EPHB2: variants seen among roughly 807,000 people sequenced by gnomAD.
EPHB2 encodes ephrin type-B receptor 2.
In EPHB2, 18 loss-of-function variants were observed where a neutral mutation model predicts 96.4. The observed-to-expected ratio is 0.19, with a 90% confidence interval of 0.13 to 0.28. The LOEUF (loss-of-function observed/expected upper bound fraction) is 0.28, where lower values mean the gene tolerates loss of function less well. EPHB2 is among the 10% of genes least tolerant of loss of function. The pLI, the probability that EPHB2 is intolerant of heterozygous loss-of-function variation, is 1.00. For synonymous variants in EPHB2, 506 were observed against 534.1 expected (o/e 0.95, Z 0.72); for missense variants, 989 against 1,355.4 (o/e 0.73, Z 4.25).
chr1:22,863,515 G>A (rs952236406), intron 4 of EPHB2, among the ~76,000 whole-genome samples: 1 of 152,316 alleles, frequency 6.6e-6, no homozygotes, highest in African/African-American at 2.4e-5. Flanking sequence ...TGGCAGAAAA[G>A]GCTGCCCAGT....
intron 3 of EPHB2, among the ~76,000 whole-genome samples, chr1:22,855,448 C>T (rs1052185896): frequency 6.6e-6 from 1 of 152,204 alleles, no homozygotes; most frequent in African/African-American, 2.4e-5. Context: ...GCATCTCAGC[C>T]CCCTGCTTAG....
At chr1:22,809,265 C>A (rs1208115166) in intron 3 of EPHB2, among the ~76,000 whole-genome samples, 1 of 152,170 alleles carries the variant, frequency 6.6e-6, no homozygotes, top group Non-Finnish European at 1.5e-5. Context: ...TGCTCCCCGG[C>A]AATTGGCAGT....
At chr1:22,715,139 A>G (rs773611735) in intron 1 of EPHB2, among the ~76,000 whole-genome samples, 2 of 152,242 alleles carry the variant, frequency 1.3e-5, no homozygotes, top group African/African-American at 2.4e-5. Flanking sequence ...ATGTTGAGTG[A>G]ATGAACAGAT....
At chr1:22,895,927 C>A (rs1414855916) in intron 8 of EPHB2, among the ~76,000 whole-genome samples, 2 of 152,184 alleles carry the variant, frequency 1.3e-5, no homozygotes, top group African/African-American at 4.8e-5. Flanking sequence ...TGAGTTCAGG[C>A]CCCCTGGCTG....
At chr1:22,902,930 AAAAG>A (rs1006064018) in intron 9 of EPHB2, among the ~76,000 whole-genome samples, 5 of 152,230 alleles carry the variant, frequency 3.3e-5, no homozygotes, top group South Asian at 2.1e-4. Context: ...TCTGGTCACA[AAAAG>A]AAAGAGAGAG....
chr1:22,732,495 T>C lies in EPHB2; in HGVS notation c.61+21452T>C, dbSNP rs1472676466. The stretch of plus-strand genomic sequence containing the variant: ...AAATGCCTTGTTGAAATAAAAATAG[T>C]CCATTTCCATATGACCTCATTTCAT... On this transcript the variant is annotated intron_variant, in intron 1 of 15. Transcript: ENST00000374630. Among the ~76,000 whole-genome samples, 3 of 152,222 alleles carry C rather than the reference T, an allele frequency of 2.0e-5. No individual in the cohort carries two copies. The East Asian group carries it at 5.8e-4, about 29-fold the overall frequency.
At chr1:22,870,681 C>T (rs1638635148) in intron 5 of EPHB2, among the ~76,000 whole-genome samples, 1 of 152,178 alleles carries the variant, frequency 6.6e-6, no homozygotes, top group South Asian at 2.1e-4. Flanking sequence ...TTCTCCAGGG[C>T]TGCCCCGGAC....
rs954158232 is a variant in EPHB2, at chr1:22,916,484, C to T, written c.*2914C>T. 1 of 152,210 alleles carries T rather than the reference C, an allele frequency of 6.6e-6. No individual in the cohort carries two copies. 9.4% of individuals were successfully genotyped at this position (152,210 alleles called of 1,614,324 possible). On this transcript the variant is annotated 3_prime_UTR_variant, in exon 16 of 16. Transcript: ENST00000374630. The surrounding 1 kb of genome is among the most constrained non-coding windows in gnomAD (Gnocchi z 4.2). ...CTGTCCCAGGGGTACAGGCGCTGCT[C>T]ACATCTCTTCCACCCCCACCCACCC...
intron 1 of EPHB2, among the ~76,000 whole-genome samples, chr1:22,731,456 T>G (rs1006213937): frequency 1.3e-5 from 2 of 152,210 alleles, no homozygotes; most frequent in Non-Finnish European, 2.9e-5. Flanking sequence ...TTGCTTCACT[T>G]CTTGGAACCT....
At chr1:22,712,674 C>T (rs1055679197) in intron 1 of EPHB2, among the ~76,000 whole-genome samples, 1 of 152,172 alleles carries the variant, frequency 6.6e-6, no homozygotes, top group African/African-American at 2.4e-5. Flanking sequence ...TGCGGTTTCC[C>T]GGAGTGGGGC....
chr1:22,895,181 G>A (rs929574521), intron 7 of EPHB2, among the ~76,000 whole-genome samples: 1 of 152,206 alleles, frequency 6.6e-6, no homozygotes, highest in African/African-American at 2.4e-5. Context: ...CTGCCTGTGT[G>A]TGTGTCAGCT....
intron 1 of EPHB2, among the ~76,000 whole-genome samples, chr1:22,738,253 T>C (rs1643866995): frequency 6.6e-6 from 1 of 152,232 alleles, no homozygotes; most frequent in East Asian, 1.9e-4. Flanking sequence ...ATTTTCTTGT[T>C]CCTTTGTATT....
At chr1:22,718,379 C>CTTTT (rs5773014) in intron 1 of EPHB2, among the ~76,000 whole-genome samples, 17 of 81,476 alleles carry the variant, frequency 2.1e-4, no homozygotes, top group South Asian at 5.0e-4. Context: ...GCTGTCAATT[C>CTTTT]TTTTTTTTTT....
chr1:22,780,655 C>T (rs1341602047), intron 1 of EPHB2, among the ~76,000 whole-genome samples: 1 of 152,218 alleles, frequency 6.6e-6, no homozygotes, highest in Non-Finnish European at 1.5e-5. Context: ...AGCTGAAAAG[C>T]AAACAGATCC....
intron 3 of EPHB2, among the ~76,000 whole-genome samples, chr1:22,797,540 A>G (rs749139247): frequency 5.3e-5 from 8 of 151,528 alleles, no homozygotes; most frequent in Middle Eastern, 6.8e-3. Context: ...TGATGACTCC[A>G]CCCAGCCCCA....
chr1:22,855,687 A>G (rs1002422032), intron 3 of EPHB2, among the ~76,000 whole-genome samples: 1 of 152,236 alleles, frequency 6.6e-6, no homozygotes, highest in African/African-American at 2.4e-5. Flanking sequence ...AATAATAGCC[A>G]ACACTTACAT....
At chr1:22,825,828 G>A (rs1173665107) in intron 3 of EPHB2, among the ~76,000 whole-genome samples, 1 of 152,246 alleles carries the variant, frequency 6.6e-6, no homozygotes, top group Non-Finnish European at 1.5e-5. Context: ...GTCTGCCCCT[G>A]GCAGGAGCCA....
intron 1 of EPHB2, among the ~76,000 whole-genome samples, chr1:22,777,545 A>G (rs1208321982): frequency 6.6e-6 from 1 of 152,182 alleles, no homozygotes; most frequent in Non-Finnish European, 1.5e-5. Context: ...TTCTTGAGGC[A>G]ATAACTATTA....
intron 6 of EPHB2, among the ~76,000 whole-genome samples, chr1:22,884,664 G>A (rs1639167026): frequency 6.7e-6 from 1 of 150,182 alleles, no homozygotes; most frequent in Non-Finnish European, 1.5e-5. Context: ...TGGGTGGCTG[G>A]ATATGGATGG....
Sources: gnomAD v4.1 joint callset for allele counts (sites outside exome capture counted in the v4.1 genomes callset) on GRCh38, gnomAD v4.1.1 for gene constraint, Gnocchi (gnomAD v3.1) non-coding constraint, MANE v1.5 for transcripts, NCBI Gene and HGNC (gene_info 2026-07-23, HGNC 2026-07-21) for gene names.